SMC4: variants seen among roughly 807,000 people sequenced by gnomAD.
SMC4 encodes the protein structural maintenance of chromosomes protein 4.
Under a neutral mutation model 145.6 loss-of-function variants are expected in SMC4, and 87 were observed. That is an observed-to-expected ratio of 0.60 (90% CI 0.50 to 0.71). SMC4 has a LOEUF of 0.71. Among genes scored for constraint, SMC4 ranks in the 30% least tolerant of loss-of-function variants. The pLI is 0.00. For synonymous variants in SMC4, 558 were observed against 500.7 expected (o/e 1.11, Z -1.53); for missense variants, 1,447 against 1,537.1 (o/e 0.94, Z 0.98).
rs960920466 is a variant in SMC4, at chr3:160,424,975, C to G, written c.2434C>G (p.Arg812Gly). 2 of 1,610,470 alleles carry G rather than the reference C, an allele frequency of 1.2e-6. No individual in the cohort carries two copies. The highest frequency in any genetic ancestry group is 3.3e-5 in the Admixed American group (2 of 59,706). The change falls in exon 16 of 24, where the codon CGA (arginine) becomes GGA (glycine). Residue 812 changes from arginine to glycine, a missense_variant. By Grantham distance (125) the Arg-to-Gly change is moderately radical. Coordinates refer to ENST00000357388, the MANE Select transcript of SMC4 (RefSeq NM_001002800.3). ...AGTAGTTAAGTTACGGCATAGTGAA[C>G]GAGAAATGAGGAACACACTAGAAAA... Reference protein sequence around the residue: ...ERVVKLRHSEREMRNTLEKFT... With the variant: ...ERVVKLRHSEGEMRNTLEKFT...
At chr3:160,414,343 C>T in intron 8 of SMC4, 24 bp from the exon 9 acceptor site, 3 of 1,563,214 alleles carry the variant, frequency 1.9e-6, no homozygotes, top group Non-Finnish European at 1.8e-6. Context: ...AAAATAATGA[C>T]TTACAATATA....
intron 19 of SMC4, 56 bp downstream of exon 19, chr3:160,430,799 G>C: frequency 6.4e-7 from 1 of 1,554,292 alleles, no homozygotes; most frequent in South Asian, 1.2e-5. Flanking sequence ...CCAATTTAAA[G>C]AGCTGGATAT....
At chr3:160,414,039 T>C in intron 8 of SMC4, 1 of 384,082 alleles carries the variant, frequency 2.6e-6, no homozygotes, top group Non-Finnish European at 4.9e-6. Flanking sequence ...AGTAAGTTTA[T>C]TGTATAGTAA....
chr3:160,427,234 C>T (rs1717888022), intron 17 of SMC4, among the ~76,000 whole-genome samples: 1 of 152,136 alleles, frequency 6.6e-6, no homozygotes, highest in South Asian at 2.1e-4. Flanking sequence ...CCAGGGAGCA[C>T]ACATGTAAGA....
rs778901987 is a variant in SMC4 at position 160,426,092 on chromosome 3, G to T, written c.2497G>T (p.Glu833Ter). ...TTTGTAGCGTTTAATAGAGCAAGAAGAATATTTGAATGTCCAAGTTAAGGA... is the reference window on the plus strand; with the variant it reads ...TTTGTAGCGTTTAATAGAGCAAGAATAATATTTGAATGTCCAAGTTAAGGA... ...ASIQRLIEQE[E>*]YLNVQVKELE... The change falls in exon 17 of 24, where the codon GAA becomes TAA. Residue 833 changes from glutamate to a stop codon, truncating the protein, a stop_gained. Coordinates refer to ENST00000357388, the MANE Select transcript of SMC4 (RefSeq NM_001002800.3). LOFTEE classifies it high-confidence loss of function. 1 of 1,604,154 alleles carries T rather than the reference G, an allele frequency of 6.2e-7. No individual in the cohort carries two copies. Among genetic ancestry groups the T allele is most frequent in the Admixed American group, 1.7e-5 (1 of 58,560 alleles).
At chr3:160,431,393 G>A (rs1354312303) in intron 20 of SMC4, among the ~76,000 whole-genome samples, 188 bp downstream of exon 20, 1 of 152,136 alleles carries the variant, frequency 6.6e-6, no homozygotes, top group Non-Finnish European at 1.5e-5. Context: ...ATACAGAAAA[G>A]TCTGAGTAAC....
At chr3:160,429,759 C>T (rs563255683) in intron 18 of SMC4, among the ~76,000 whole-genome samples, 1 of 150,502 alleles carries the variant, frequency 6.6e-6, no homozygotes, top group East Asian at 1.9e-4. Flanking sequence ...CTCTGCCATC[C>T]AGGCTGGAGT....
rs540054175 is a variant in SMC4, at chr3:160,415,288, C to A, written c.1272+771C>A. Among the ~76,000 whole-genome samples, 18 of 152,314 alleles carry A rather than the reference C, an allele frequency of 1.2e-4. No individual in the cohort carries two copies. In the South Asian group the frequency reaches 3.5e-3, roughly 30 times the overall value. ...TCAGGAGAGTGAGGCGGCAGGATGCCTTGAGTTCAAGATTCCAGTGAATAG... is the reference window on the plus strand; with the variant it reads ...TCAGGAGAGTGAGGCGGCAGGATGCATTGAGTTCAAGATTCCAGTGAATAG... On this transcript the variant is annotated intron_variant, in intron 9 of 23. Coordinates refer to ENST00000357388, the MANE Select transcript of SMC4 (RefSeq NM_001002800.3).
chr3:160,433,743 G>GACAT lies in SMC4; in HGVS notation c.3805_3808dup (p.Asn1270IlefsTer17), dbSNP rs1415000994. ...CGGATAGACTTATTGGAATTTACAA[G>GACAT]ACATACAACATAACAAAAAGTGTTG... On this transcript the variant is annotated frameshift_variant, in exon 24 of 24. Transcript: ENST00000357388. LOFTEE classifies it high-confidence loss of function. The GACAT allele has an allele frequency of 1.3e-6, 2 of 1,598,378 alleles. No individual in the cohort carries two copies. The highest frequency in any genetic ancestry group is 8.5e-7 in the Non-Finnish European group (1 of 1,172,312).
intron 11 of SMC4, among the ~76,000 whole-genome samples, 162 bp from the exon 12 acceptor site, chr3:160,419,196 A>G (rs1027633982): frequency 3.9e-5 from 6 of 152,092 alleles, no homozygotes; most frequent in African/African-American, 9.7e-5. Context: ...ATTTTCCACA[A>G]CCAAACCAGC....
chr3:160,421,265 T>G, intron 13 of SMC4, among the ~76,000 whole-genome samples: 1 of 152,142 alleles, frequency 6.6e-6, no homozygotes, highest in Admixed American at 6.5e-5. Flanking sequence ...TGTGTTTTTC[T>G]TTTTGGATTC....
At position 160,404,377 on chromosome 3, in the gene SMC4, G is replaced by A; in HGVS notation, c.560G>A (p.Arg187Lys). The A allele has an allele frequency of 1.2e-6, 2 of 1,609,598 alleles. No homozygotes were observed. The highest frequency in any genetic ancestry group is 1.7e-6 in the Non-Finnish European group (2 of 1,178,716). Residue 187 changes from arginine (R) to lysine (K), a missense_variant, in exon 5 of 24, where the codon AGA becomes AAA. Physicochemically the swap from Arg to Lys is conservative, Grantham distance 26 (BLOSUM62 2). Coordinates refer to ENST00000357388, the MANE Select transcript of SMC4 (RefSeq NM_001002800.3). ...VIPNSNFYVS[R>K]TACRDNTSVY... ...CCTAACAGTAATTTCTATGTATCCA[G>A]AACGGCCTGCAGAGATAATACTTCT...
At chr3:160,410,945 T>G (rs1362751153) in intron 5 of SMC4, among the ~76,000 whole-genome samples, 1 of 152,222 alleles carries the variant, frequency 6.6e-6, no homozygotes, top group Non-Finnish European at 1.5e-5. Flanking sequence ...ATATCTTTTT[T>G]CATTTGCCTG....
Position 160,402,862 on chromosome 3 carries a change from G to A in SMC4, c.505G>A (p.Asp169Asn). 6.4e-7 allele frequency: 1 copy of A among 1,563,728 alleles called. No homozygotes were observed. The highest frequency in any genetic ancestry group is 8.6e-7 in the Non-Finnish European group (1 of 1,161,818). The change falls in exon 4 of 24, where the codon GAT becomes AAT. Residue 169 changes from aspartate (D) to asparagine (N), a missense_variant. Coordinates refer to ENST00000357388, the MANE Select transcript of SMC4 (RefSeq NM_001002800.3). ...AGAAGTTCATTTTCAAAAGATAATT[G>A]ATAAGGTAAGGGATTTTTACTGTTA... Reference protein sequence around the residue: ...TVEVHFQKIIDKEGDDYEVIP... With the variant: ...TVEVHFQKIINKEGDDYEVIP...
At chr3:160,425,344 C>T (rs967399375) in intron 16 of SMC4, among the ~76,000 whole-genome samples, 2 of 152,050 alleles carry the variant, frequency 1.3e-5, no homozygotes, top group Non-Finnish European at 2.9e-5. Flanking sequence ...AAGCAATGCA[C>T]GCCCACTGTT....
rs780234558 is a variant in SMC4, at chr3:160,400,845, C to A, written c.19C>A (p.Gln7Lys). Residue 7 changes from glutamine to lysine, a missense_variant, in exon 2 of 24, where the codon CAG becomes AAG. By Grantham distance (53) the Gln-to-Lys change is moderately conservative. Coordinates refer to ENST00000357388, the MANE Select transcript of SMC4 (RefSeq NM_001002800.3). MPRKGT[Q>K]PSTARRREEG... ...AGCGACCATGCCCCGTAAAGGCACC[C>A]AGCCCTCCACTGCCCGGCGCAGAGA... is the stretch of plus-strand genomic sequence containing the variant. The A allele has an allele frequency of 1.3e-6, 2 of 1,538,262 alleles. No homozygotes were observed. Among genetic ancestry groups the A allele is most frequent in the East Asian group, 5.3e-5 (2 of 37,638 alleles).
chr3:160,416,361 G>C lies in SMC4; in HGVS notation c.1383G>C (p.Lys461Asn). Residue 461 changes from lysine (K) to asparagine (N), a missense_variant, in exon 10 of 24, where the codon AAG (lysine) becomes AAC (asparagine). Coordinates refer to ENST00000357388, the MANE Select transcript of SMC4 (RefSeq NM_001002800.3). ...AAGAGAAAGAAGAAAAAAAATTAAA[G>C]GAAGTTATGGATAGCCTTAAACAGG... ...KEKEKEEKKL[K>N]EVMDSLKQET... 1 of 1,600,030 alleles carries C rather than the reference G, an allele frequency of 6.2e-7. No individual in the cohort carries two copies. Among genetic ancestry groups the C allele is most frequent in the Non-Finnish European group, 8.5e-7 (1 of 1,173,462 alleles).
chr3:160,421,546 C>T (rs150191603), intron 13 of SMC4, among the ~76,000 whole-genome samples: 21 of 152,108 alleles, frequency 1.4e-4, no homozygotes, highest in African/African-American at 4.8e-4. Flanking sequence ...GAGTTTGAGA[C>T]CAGCCTGGCC....
intron 5 of SMC4, among the ~76,000 whole-genome samples, chr3:160,405,511 A>G (rs567874175): frequency 1.2e-4 from 18 of 152,124 alleles, no homozygotes; most frequent in Admixed American, 5.2e-4. Context: ...ACAAACTTAT[A>G]AAATGTTAGC....
Sources: gnomAD v4.1 joint callset for allele counts (sites outside exome capture counted in the v4.1 genomes callset) on GRCh38, gnomAD v4.1.1 for gene constraint, MANE v1.5 for transcripts, NCBI Gene and HGNC (gene_info 2026-07-23, HGNC 2026-07-21) for gene names.